KRTAP1-4: variants seen among roughly 807,000 people sequenced by gnomAD.
KRTAP1-4 encodes the protein keratin-associated protein 1-4.
In KRTAP1-4, 5 loss-of-function variants were observed where a neutral mutation model predicts 8.6. The ratio of observed to expected loss-of-function variants is 0.58; its 90% CI spans 0.30 to 1.23. The LOEUF is 1.23. Ranked by LOEUF, KRTAP1-4 falls within the 50% of genes most tolerant of loss-of-function variation. The pLI, the probability that KRTAP1-4 is intolerant of heterozygous loss-of-function variation, is 0.07. For synonymous variants in KRTAP1-4, 50 were observed against 58.9 expected (o/e 0.85, Z 0.69); for missense variants, 157 against 160.7 (o/e 0.98, Z 0.12).
chr17:41,030,140 C>G lies in KRTAP1-4; in HGVS notation c.-62G>C. 1 of 1,543,022 alleles carries G rather than the reference C, an allele frequency of 6.5e-7. No individual in the cohort carries two copies. Among genetic ancestry groups the G allele is most frequent in the Non-Finnish European group, 8.8e-7 (1 of 1,141,284 alleles). On this transcript the variant is annotated 5_prime_UTR_variant, in exon 1 of 1. Coordinates refer to ENST00000377747, the MANE Select transcript of KRTAP1-4 (RefSeq NM_001257305.2). ...GGTTTCTGAGTTTGGGCTGTACCTT[C>G]TATATCTGTCCTTTGATATGTTCCC...
chr17:41,030,060 T>C lies in KRTAP1-4; in HGVS notation c.19A>G (p.Ser7Gly). Residue 7 changes from serine to glycine, a missense_variant, in exon 1 of 1, where the codon AGT (serine) becomes GGT (glycine). Transcript: ENST00000377747. MASCST[S>G]GTCGSSCCQP... ...CAGCAGCTGGAGCCACAGGTCCCAC[T>C]GGTGGAACAGCTGGCCATGGTGTCA... 1 of 1,599,408 alleles carries C rather than the reference T, an allele frequency of 6.3e-7. No homozygotes were observed. Among genetic ancestry groups the C allele is most frequent in the South Asian group, 1.1e-5 (1 of 88,614 alleles).
Position 41,029,835 on chromosome 17 carries a change from A to C in KRTAP1-4, c.244T>G (p.Cys82Gly), listed in dbSNP as rs1204945114. ...AGCTGGCAGCAGGATGGGGGTGTGCAGCTTACCAGGTAGCAGGGGGGCAGG... is the reference window on the plus strand; with the variant it reads ...AGCTGGCAGCAGGATGGGGGTGTGCCGCTTACCAGGTAGCAGGGGGGCAGG... ...TCLPPCYLVS[C>G]TPPSCCQLHH... is the part of the protein sequence containing the mutation. Residue 82 changes from cysteine to glycine, a missense_variant, in exon 1 of 1, where the codon TGC becomes GGC. Coordinates refer to ENST00000377747, the MANE Select transcript of KRTAP1-4 (RefSeq NM_001257305.2). The C allele has an allele frequency of 6.2e-7, 1 of 1,611,144 alleles. No homozygotes were observed. Among genetic ancestry groups the C allele is most frequent in the East Asian group, 2.2e-5 (1 of 44,866 alleles).
At position 41,030,157 on chromosome 17, in the gene KRTAP1-4, T is replaced by A; in HGVS notation, c.-79A>T. The A allele has an allele frequency of 6.5e-7, 1 of 1,530,218 alleles. No homozygotes were observed. Among genetic ancestry groups the A allele is most frequent in the Non-Finnish European group, 8.8e-7 (1 of 1,133,468 alleles). 94.8% of individuals were successfully genotyped at this position (1,530,218 alleles called of 1,614,324 possible). A position where few individuals can be genotyped will look rare whatever the true frequency, so the allele number is the denominator to read the frequency against. Reference sequence around the variant, plus strand: ...TGTACCTTCTATATCTGTCCTTTGATATGTTCCCTAGAGCTGCATATTTAC... The same window carrying A: ...TGTACCTTCTATATCTGTCCTTTGAAATGTTCCCTAGAGCTGCATATTTAC... On this transcript the variant is annotated 5_prime_UTR_variant, in exon 1 of 1. Transcript: ENST00000377747.
Position 41,030,003 on chromosome 17 carries a change from GGCA to G in KRTAP1-4, c.73_75del (p.Cys25del). On this transcript the variant is annotated inframe_deletion, in exon 1 of 1. Transcript: ENST00000377747. The stretch of plus-strand genomic sequence containing the variant: ...GAGCTGGTCTGGCAGCAGCTTGGCT[GGCA>G]GCAGCTAGTTTCACAGCAGCTTGGC... 6.2e-7 allele frequency: 1 copy of G among 1,610,542 alleles called. No homozygotes were observed.
rs1390414254 is a variant in KRTAP1-4 at position 41,029,361 on chromosome 17, A to G, written c.*352T>C. On this transcript the variant is annotated 3_prime_UTR_variant, in exon 1 of 1. Coordinates refer to ENST00000377747, the MANE Select transcript of KRTAP1-4 (RefSeq NM_001257305.2). ...GAGGACATAACTCAGTTTGCTTTGC[A>G]CATTAAAACATTTTATTTGGATTAA... is the stretch of plus-strand genomic sequence containing the variant. Among the ~76,000 whole-genome samples, 1 of 152,250 alleles carries G rather than the reference A, an allele frequency of 6.6e-6. No individual in the cohort carries two copies. Among genetic ancestry groups the G allele is most frequent in the African/African-American group, 2.4e-5 (1 of 41,472 alleles).
chr17:41,029,633 A>G lies in KRTAP1-4; in HGVS notation c.*80T>C. On this transcript the variant is annotated 3_prime_UTR_variant, in exon 1 of 1. Coordinates refer to ENST00000377747, the MANE Select transcript of KRTAP1-4 (RefSeq NM_001257305.2). Reference sequence around the variant, plus strand: ...ACATCATGGTACTTAGCATCCAAGTAAAATCGAACAGTTCTTCAGAAATCA... The same window carrying G: ...ACATCATGGTACTTAGCATCCAAGTGAAATCGAACAGTTCTTCAGAAATCA... 1 of 1,451,944 alleles carries G rather than the reference A, an allele frequency of 6.9e-7. No individual in the cohort carries two copies. Among genetic ancestry groups the G allele is most frequent in the Non-Finnish European group, 9.1e-7 (1 of 1,098,776 alleles). 89.9% of individuals were successfully genotyped at this position (1,451,944 alleles called of 1,614,324 possible).
In KRTAP1-4 at chr17:41,029,644, GTTC is replaced by G; in HGVS notation, c.*66_*68del. On this transcript the variant is annotated 3_prime_UTR_variant, in exon 1 of 1. Transcript: ENST00000377747. ...CTTAGCATCCAAGTAAAATCGAACAGTTCTTCAGAAATCAGCACAATTTTGCTG... is the reference window on the plus strand; with the variant it reads ...CTTAGCATCCAAGTAAAATCGAACAGTTCAGAAATCAGCACAATTTTGCTG... 1 of 1,462,644 alleles carries G rather than the reference GTTC, an allele frequency of 6.8e-7. No individual in the cohort carries two copies. Among genetic ancestry groups the G allele is most frequent in the African/African-American group, 1.4e-5 (1 of 70,698 alleles). 90.6% of individuals were successfully genotyped at this position (1,462,644 alleles called of 1,614,324 possible). A position where few individuals can be genotyped will look rare whatever the true frequency, so the allele number is the denominator to read the frequency against.
chr17:41,030,066 A>G lies in KRTAP1-4; in HGVS notation c.13T>C (p.Ser5Pro), dbSNP rs764554641. ...CTGGAGCCACAGGTCCCACTGGTGG[A>G]ACAGCTGGCCATGGTGTCAGGAGTT... MASC[S>P]TSGTCGSSCC... The change falls in exon 1 of 1, where the codon TCC becomes CCC. Residue 5 changes from serine to proline, a missense_variant. Coordinates refer to ENST00000377747, the MANE Select transcript of KRTAP1-4 (RefSeq NM_001257305.2). The G allele has an allele frequency of 1.9e-6, 3 of 1,595,394 alleles. No individual in the cohort carries two copies. The highest frequency in any genetic ancestry group is 2.6e-6 in the Non-Finnish European group (3 of 1,170,718).
chr17:41,029,616 G>A lies in KRTAP1-4; in HGVS notation c.*97C>T. On this transcript the variant is annotated 3_prime_UTR_variant, in exon 1 of 1. Coordinates refer to ENST00000377747, the MANE Select transcript of KRTAP1-4 (RefSeq NM_001257305.2). ...CTCTGAGCAGCTTAACAACATCATGGTACTTAGCATCCAAGTAAAATCGAA... is the reference window on the plus strand; with the variant it reads ...CTCTGAGCAGCTTAACAACATCATGATACTTAGCATCCAAGTAAAATCGAA... 7.0e-7 allele frequency: 1 copy of A among 1,426,492 alleles called. No individual in the cohort carries two copies. The highest frequency in any genetic ancestry group is 1.4e-5 in the African/African-American group (1 of 69,478). 88.4% of individuals were successfully genotyped at this position (1,426,492 alleles called of 1,614,324 possible).
In KRTAP1-4 at chr17:41,029,793, A is replaced by G. The variant is rs2012409100; in HGVS notation, c.286T>C (p.Ser96Pro). ...SCCQLHHAEA[S>P]CCRPSYCGQS... Reference sequence around the variant, plus strand: ...CCACAGTAGGACGGGCGGCAGCAGGAGGCCTCGGCGTGGTGCAGCTGGCAG... The same window carrying G: ...CCACAGTAGGACGGGCGGCAGCAGGGGGCCTCGGCGTGGTGCAGCTGGCAG... Residue 96 changes from serine to proline, a missense_variant, in exon 1 of 1, where the codon TCC (serine) becomes CCC (proline). Physicochemically the swap from Ser to Pro is moderately conservative, Grantham distance 74. Coordinates refer to ENST00000377747, the MANE Select transcript of KRTAP1-4 (RefSeq NM_001257305.2). The G allele has an allele frequency of 2.5e-6, 4 of 1,607,080 alleles. No homozygotes were observed. The highest frequency in any genetic ancestry group is 1.9e-4 in the Middle Eastern group (1 of 5,400).
In KRTAP1-4 at chr17:41,029,639, G is replaced by A. The variant is rs570887158; in HGVS notation, c.*74C>T. ...TGGTACTTAGCATCCAAGTAAAATC[G>A]AACAGTTCTTCAGAAATCAGCACAA... is the stretch of plus-strand genomic sequence containing the variant. On this transcript the variant is annotated 3_prime_UTR_variant, in exon 1 of 1. Coordinates refer to ENST00000377747, the MANE Select transcript of KRTAP1-4 (RefSeq NM_001257305.2). 8.9e-6 allele frequency: 13 copies of A among 1,455,234 alleles called. No homozygotes were observed. Among genetic ancestry groups the A allele is most frequent in the Non-Finnish European group, 1.2e-5 (13 of 1,100,780 alleles). The allele number at this position is 1,455,234 out of a possible 1,614,324, so 90.1% of individuals were successfully genotyped here.
At position 41,029,750 on chromosome 17, in the gene KRTAP1-4, G is replaced by A. The variant is rs760366408; in HGVS notation, c.329C>T (p.Pro110Leu). The A allele has an allele frequency of 4.4e-6, 7 of 1,573,342 alleles. No individual in the cohort carries two copies. In the East Asian group the frequency reaches 1.6e-4, roughly 35 times the overall value. Residue 110 changes from proline (P) to leucine (L), a missense_variant, in exon 1 of 1, where the codon CCA (proline) becomes CTA (leucine). Coordinates refer to ENST00000377747, the MANE Select transcript of KRTAP1-4 (RefSeq NM_001257305.2). ...CTCACAGCAGTGGCAGCAGCAGGCT[G>A]GGCGGCAGCAGGACTGTCCACAGTA... ...PSYCGQSCCR[P>L]ACCCHCCEPT...
chr17:41,029,565 A>G lies in KRTAP1-4; in HGVS notation c.*148T>C. 4 of 1,214,226 alleles carry G rather than the reference A, an allele frequency of 3.3e-6. No individual in the cohort carries two copies. The highest frequency in any genetic ancestry group is 4.5e-6 in the Non-Finnish European group (4 of 894,492). 75.2% of individuals were successfully genotyped at this position (1,214,226 alleles called of 1,614,324 possible). ...CAGTAAGTGAATTCGGCACATCCAC[A>G]GTGTCCTAACTAGGAGTTTCATTAT... On this transcript the variant is annotated 3_prime_UTR_variant, in exon 1 of 1. Coordinates refer to ENST00000377747, the MANE Select transcript of KRTAP1-4 (RefSeq NM_001257305.2).
chr17:41,030,155 G>A lies in KRTAP1-4; in HGVS notation c.-77C>T. 1 of 1,531,340 alleles carries A rather than the reference G, an allele frequency of 6.5e-7. No individual in the cohort carries two copies. Among genetic ancestry groups the A allele is most frequent in the East Asian group, 2.5e-5 (1 of 40,650 alleles). 94.9% of individuals were successfully genotyped at this position (1,531,340 alleles called of 1,614,324 possible). A position where few individuals can be genotyped will look rare whatever the true frequency, so the allele number is the denominator to read the frequency against. ...GCTGTACCTTCTATATCTGTCCTTT[G>A]ATATGTTCCCTAGAGCTGCATATTT... On this transcript the variant is annotated 5_prime_UTR_variant, in exon 1 of 1. Coordinates refer to ENST00000377747, the MANE Select transcript of KRTAP1-4 (RefSeq NM_001257305.2).
chr17:41,030,184 C>A lies in KRTAP1-4; in HGVS notation c.-106G>T. On this transcript the variant is annotated 5_prime_UTR_variant, in exon 1 of 1. Transcript: ENST00000377747. The stretch of plus-strand genomic sequence containing the variant: ...TGTTCCCTAGAGCTGCATATTTACC[C>A]AACACCTTTTCTTGATGTCAATTTC... 6.9e-7 allele frequency: 1 copy of A among 1,456,172 alleles called. No individual in the cohort carries two copies. 90.2% of individuals were successfully genotyped at this position (1,456,172 alleles called of 1,614,324 possible).
chr17:41,029,566 G>T lies in KRTAP1-4; in HGVS notation c.*147C>A. On this transcript the variant is annotated 3_prime_UTR_variant, in exon 1 of 1. Coordinates refer to ENST00000377747, the MANE Select transcript of KRTAP1-4 (RefSeq NM_001257305.2). Reference sequence around the variant, plus strand: ...AGTAAGTGAATTCGGCACATCCACAGTGTCCTAACTAGGAGTTTCATTATC... The same window carrying T: ...AGTAAGTGAATTCGGCACATCCACATTGTCCTAACTAGGAGTTTCATTATC... The T allele has an allele frequency of 8.2e-7, 1 of 1,220,118 alleles. No homozygotes were observed. Among genetic ancestry groups the T allele is most frequent in the African/African-American group, 1.5e-5 (1 of 65,520 alleles). 75.6% of individuals were successfully genotyped at this position (1,220,118 alleles called of 1,614,324 possible). A position where few individuals can be genotyped will look rare whatever the true frequency, so the allele number is the denominator to read the frequency against.
Position 41,029,794 on chromosome 17 carries a change from G to A in KRTAP1-4, c.285C>T (p.Ala95=). The change falls in exon 1 of 1, where the codon GCC becomes GCT. Residue 95 remains alanine, a synonymous_variant. Transcript: ENST00000377747. ...PSCCQLHHAE[A]SCCRPSYCGQ... is the part of the protein sequence containing the mutation. The stretch of plus-strand genomic sequence containing the variant: ...CACAGTAGGACGGGCGGCAGCAGGA[G>A]GCCTCGGCGTGGTGCAGCTGGCAGC... 6.2e-7 allele frequency: 1 copy of A among 1,607,380 alleles called. No individual in the cohort carries two copies. Among genetic ancestry groups the A allele is most frequent in the Non-Finnish European group, 8.5e-7 (1 of 1,176,776 alleles).
At position 41,029,800 on chromosome 17, in the gene KRTAP1-4, G is replaced by T. The variant is rs150955506; in HGVS notation, c.279C>A (p.Ala93=). ...AGGACGGGCGGCAGCAGGAGGCCTC[G>T]GCGTGGTGCAGCTGGCAGCAGGATG... The part of the protein sequence containing the change: ...TPPSCCQLHH[A]EASCCRPSYC... Residue 93 remains alanine, a synonymous_variant, in exon 1 of 1, where the codon GCC becomes GCA. Transcript: ENST00000377747. 1 of 1,609,016 alleles carries T rather than the reference G, an allele frequency of 6.2e-7. No individual in the cohort carries two copies.
chr17:41,029,691 T>A lies in KRTAP1-4; in HGVS notation c.*22A>T. 6.6e-7 allele frequency: 1 copy of A among 1,518,538 alleles called. No homozygotes were observed. 94.1% of individuals were successfully genotyped at this position (1,518,538 alleles called of 1,614,324 possible). ...TTTGCTGTGCTTCCCCTTTCATTCT[T>A]AAGCGATCAGCAACCTGGCTTTTAG... On this transcript the variant is annotated 3_prime_UTR_variant, in exon 1 of 1. Transcript: ENST00000377747.
Sources: gnomAD v4.1 joint callset for allele counts (sites outside exome capture counted in the v4.1 genomes callset) on GRCh38, gnomAD v4.1.1 for gene constraint, MANE v1.5 for transcripts, NCBI Gene and HGNC (gene_info 2026-07-23, HGNC 2026-07-21) for gene names.